The following NCOA1 variants were observed in gnomAD, a reference collection of about 807,000 sequenced individuals.
NCOA1 encodes Hin-2 protein.
In NCOA1, 35 loss-of-function variants were observed where a neutral mutation model predicts 150.9. That is an observed-to-expected ratio of 0.23 (90% confidence interval 0.18 to 0.31). The LOEUF (loss-of-function observed/expected upper bound fraction) is 0.31. Ranked by LOEUF, NCOA1 falls within the 10% of genes least tolerant of loss-of-function variation. The pLI is 1.00. For synonymous variants in NCOA1, 590 were observed against 630.0 expected (o/e 0.94, Z 0.95); for missense variants, 1,491 against 1,749.3 (o/e 0.85, Z 2.63).
intron 3 of NCOA1, among the ~76,000 whole-genome samples, chr2:24,643,589 T>G (rs1670331237): frequency 6.6e-6 from 1 of 152,142 alleles, no homozygotes; most frequent in African/African-American, 2.4e-5. Context: ...GAGTATTACA[T>G]AAGTAAATAA....
intron 1 of NCOA1, among the ~76,000 whole-genome samples, chr2:24,501,728 G>T (rs577183543): frequency 6.6e-6 from 1 of 152,200 alleles, no homozygotes; most frequent in African/African-American, 2.4e-5. Context: ...TAGGCTTTAG[G>T]GGATCTGTAA....
chr2:24,711,373 A>C, intron 14 of NCOA1: 2 of 288,010 alleles, frequency 6.9e-6, no homozygotes, highest in Non-Finnish European at 1.3e-5. Context: ...CGTCTCACCC[A>C]AAACACCCCA....
intron 11 of NCOA1, 34 bp downstream of exon 11, chr2:24,697,832 C>G (rs781690531): frequency 3.0e-5 from 48 of 1,579,800 alleles, no homozygotes; most frequent in Non-Finnish European, 4.0e-5. Context: ...TTTCATTAAC[C>G]CTTATCTTTA....
chr2:24,766,181 T>C (rs1211766328), intron 22 of NCOA1, among the ~76,000 whole-genome samples: 4 of 152,212 alleles, frequency 2.6e-5, no homozygotes, highest in Admixed American at 6.5e-5. Context: ...ATTAGAGGCA[T>C]GAGCCTCCAT....
At chr2:24,593,099 G>A (rs1022758468) in intron 3 of NCOA1, among the ~76,000 whole-genome samples, 1 of 152,172 alleles carries the variant, frequency 6.6e-6, no homozygotes, top group Admixed American at 6.6e-5. Context: ...GGTACCAGGA[G>A]TTTATTTGTC....
intron 8 of NCOA1, among the ~76,000 whole-genome samples, chr2:24,685,868 T>C (rs1672374396): frequency 6.6e-6 from 1 of 152,358 alleles, no homozygotes; most frequent in African/African-American, 2.4e-5. Flanking sequence ...TATGCTTTTA[T>C]CTTAGAAATC....
At chr2:24,545,287 A>G (rs1423217204) in intron 1 of NCOA1, among the ~76,000 whole-genome samples, 4 of 152,228 alleles carry the variant, frequency 2.6e-5, no homozygotes, top group Non-Finnish European at 5.9e-5. Flanking sequence ...GCAAAATGCA[A>G]AAGGACAGGG....
At chr2:24,694,876 T>TA (rs1381154667) in intron 10 of NCOA1, among the ~76,000 whole-genome samples, 1 of 151,840 alleles carries the variant, frequency 6.6e-6, no homozygotes, top group Admixed American at 6.6e-5. Context: ...GAAGGAAAAA[T>TA]AGAGTCCATT....
rs1260955511 is a variant in NCOA1, at chr2:24,726,756, A to G, written c.2717+50A>G. On this transcript the variant is annotated intron_variant, in intron 15 of 22. Transcript: ENST00000348332. Reference sequence around the variant, plus strand: ...TAAGGTATCAGATACCAACTTCTAAACAGAGAACTATTTTTTCCAAACTAC... The same window carrying G: ...TAAGGTATCAGATACCAACTTCTAAGCAGAGAACTATTTTTTCCAAACTAC... The G allele has an allele frequency of 1.2e-5, 14 of 1,158,348 alleles. 1 individual carries two copies. Among genetic ancestry groups the G allele is most frequent in the Non-Finnish European group, 1.6e-5 (13 of 810,968 alleles). The allele number at this position is 1,158,348 out of a possible 1,614,324, so 71.8% of individuals were successfully genotyped here.
chr2:24,496,411 T>A (rs763788093), intron 1 of NCOA1, among the ~76,000 whole-genome samples: 7 of 152,370 alleles, frequency 4.6e-5, no homozygotes, highest in Admixed American at 2.0e-4. Context: ...ATAGATATCT[T>A]GCGTCTTTGC....
intron 1 of NCOA1, among the ~76,000 whole-genome samples, chr2:24,514,189 G>A (rs971322559): frequency 6.7e-6 from 1 of 149,712 alleles, no homozygotes; most frequent in Non-Finnish European, 1.5e-5. Flanking sequence ...TCGGGAGGCT[G>A]AGGTGGGAGA....
chr2:24,682,534 G>A (rs1320507971), intron 7 of NCOA1, among the ~76,000 whole-genome samples: 3 of 152,118 alleles, frequency 2.0e-5, no homozygotes, highest in Non-Finnish European at 2.9e-5. Flanking sequence ...TCCTGTCCAC[G>A]TCTGCTGACT....
At chr2:24,595,992 G>A (rs1485372401) in intron 3 of NCOA1, among the ~76,000 whole-genome samples, 2 of 152,100 alleles carry the variant, frequency 1.3e-5, no homozygotes, top group Non-Finnish European at 2.9e-5. Flanking sequence ...TAGACTTTCA[G>A]GAGTGAGATC....
At chr2:24,740,486 C>G (rs978930343) in intron 18 of NCOA1, among the ~76,000 whole-genome samples, 5 of 152,070 alleles carry the variant, frequency 3.3e-5, no homozygotes, top group African/African-American at 1.2e-4. Flanking sequence ...CAAAACATAC[C>G]TAAACGTGGA....
At chr2:24,491,991 G>T (rs1314583966) in intron 1 of NCOA1, 2 of 151,964 alleles carry the variant, frequency 1.3e-5, no homozygotes, top group Non-Finnish European at 2.9e-5. Flanking sequence ...AGGGGGAGCC[G>T]GAAGTCGGCG....
chr2:24,524,059 A>G (rs1020751118), intron 1 of NCOA1, among the ~76,000 whole-genome samples: 4 of 151,452 alleles, frequency 2.6e-5, no homozygotes, highest in African/African-American at 9.7e-5. Context: ...CTTGAACTTT[A>G]TGACAAATGA....
intron 19 of NCOA1, among the ~76,000 whole-genome samples, chr2:24,750,618 C>T (rs1323178797): frequency 6.6e-6 from 1 of 152,136 alleles, no homozygotes; most frequent in Non-Finnish European, 1.5e-5. Flanking sequence ...AATTTCCCCC[C>T]AAAAAGCAAA....
intron 6 of NCOA1, among the ~76,000 whole-genome samples, chr2:24,668,030 G>A (rs1417029301): frequency 2.0e-5 from 3 of 152,074 alleles, no homozygotes; most frequent in Non-Finnish European, 4.4e-5. Context: ...GTTTGTTCAC[G>A]ACTATATCCT....
Position 24,689,990 on chromosome 2 carries a change from A to G in NCOA1, c.533-1491A>G, listed in dbSNP as rs572365436. ...CCACATTGTTCCCCCAACAGAATAGAAACTTCATTTCCTTTTGAAAATAGT... is the reference window on the plus strand; with the variant it reads ...CCACATTGTTCCCCCAACAGAATAGGAACTTCATTTCCTTTTGAAAATAGT... On this transcript the variant is annotated intron_variant, in intron 8 of 22. Coordinates refer to ENST00000348332, the MANE Select transcript of NCOA1 (RefSeq NM_003743.5). Among the ~76,000 whole-genome samples, 28 of 152,334 alleles carry G rather than the reference A, an allele frequency of 1.8e-4. 1 individual carries two copies. Among genetic ancestry groups the G allele is most frequent in the African/African-American group, 6.5e-4 (27 of 41,572 alleles).
Sources: allele counts gnomAD v4.1 joint callset (sites outside exome capture counted in the v4.1 genomes callset), GRCh38; gene constraint gnomAD v4.1.1; transcripts MANE v1.5; gene names NCBI Gene and HGNC (gene_info 2026-07-23, HGNC 2026-07-21).